Variants in CCDC102B observed in about 807,000 individuals in gnomAD.
CCDC102B encodes coiled-coil domain-containing protein 102B.
Under a neutral mutation model 57.4 loss-of-function variants are expected in CCDC102B, and 75 were observed. The ratio of observed to expected loss-of-function variants is 1.31; its 90% confidence interval spans 1.08 to 1.58. CCDC102B has a LOEUF of 1.58. CCDC102B is among the 40% of genes most tolerant of loss of function. CCDC102B has a pLI of 0.00. For synonymous variants in CCDC102B, 206 were observed against 201.9 expected, an observed-to-expected ratio of 1.02 and a Z score of -0.17; for missense variants, 636 against 582.6, an observed-to-expected ratio of 1.09 and a Z score of -0.94.
At chr18:68,839,057 A>G (rs2037511612) in intron 3 of CCDC102B, 131 bp downstream of exon 3, 2 of 786,594 alleles carry the variant, frequency 2.5e-6, no homozygotes, top group Non-Finnish European at 4.2e-6. Context: ...GGATTTAAAG[A>G]AATTAGTTTG....
chr18:68,739,825 G>C (rs955862517), intron 2 of CCDC102B, among the ~76,000 whole-genome samples: 1 of 152,136 alleles, frequency 6.6e-6, no homozygotes, highest in Non-Finnish European at 1.5e-5. Flanking sequence ...GACACATCTG[G>C]AAATATGAGA....
At chr18:68,938,564 A>G (rs2049302493) in intron 6 of CCDC102B, among the ~76,000 whole-genome samples, 3 of 151,854 alleles carry the variant, frequency 2.0e-5, no homozygotes, top group Non-Finnish European at 4.4e-5. Flanking sequence ...TGGAATAATG[A>G]GAATTTACCA....
At chr18:69,056,823 A>C (rs76921911), downstream of CCDC102B, among the ~76,000 whole-genome samples, 65 of 152,124 alleles carry the variant, frequency 4.3e-4, 1 homozygote, top group East Asian at 0.012. Flanking sequence ...CAGTAGTGTT[A>C]AGTATAGCCA....
chr18:68,757,177 C>T (rs2034080048), intron 2 of CCDC102B, among the ~76,000 whole-genome samples: 1 of 151,992 alleles, frequency 6.6e-6, no homozygotes, highest in South Asian at 2.1e-4. Flanking sequence ...TCTCCTTATC[C>T]CTGACATTTT....
At position 68,845,943 on chromosome 18, in the gene CCDC102B, A is replaced by G. The variant is rs560193651; in HGVS notation, c.828-370A>G. Among the ~76,000 whole-genome samples the G allele has an allele frequency of 3.0e-4, 46 of 151,868 alleles. 2 individuals carry two copies. The South Asian group carries it at 9.3e-3, about 31-fold the overall frequency. On this transcript the variant is annotated intron_variant, in intron 3 of 7. Transcript: ENST00000360242. The stretch of plus-strand genomic sequence containing the variant: ...TTTTTTCATTCACATAATAGCCACA[A>G]TATGAAGATGGATAGAATTCCATGT...
intron 6 of CCDC102B, among the ~76,000 whole-genome samples, chr18:68,990,529 A>C (rs190106515): frequency 6.6e-6 from 1 of 152,314 alleles, no homozygotes; most frequent in East Asian, 1.9e-4. Flanking sequence ...TATCTTGTAT[A>C]TCATGTTATT....
At chr18:68,852,933 A>C (rs899203545) in intron 4 of CCDC102B, among the ~76,000 whole-genome samples, 2 of 152,234 alleles carry the variant, frequency 1.3e-5, no homozygotes, top group Non-Finnish European at 2.9e-5. Context: ...GGCCTCTAAC[A>C]GGACTATGAC....
intron 4 of CCDC102B, among the ~76,000 whole-genome samples, chr18:68,855,710 A>C (rs369172034): frequency 4.6e-5 from 7 of 152,202 alleles, no homozygotes; most frequent in African/African-American, 1.7e-4. Context: ...ATAAAAATGG[A>C]ATTTTGTGAC....
At chr18:68,768,000 T>C (rs780194824) in intron 2 of CCDC102B, among the ~76,000 whole-genome samples, 7 of 152,028 alleles carry the variant, frequency 4.6e-5, no homozygotes, top group Non-Finnish European at 7.4e-5. Context: ...TTTTTGGAGG[T>C]TGACATTTTT....
chr18:68,760,584 G>A (rs1160243965), intron 2 of CCDC102B, among the ~76,000 whole-genome samples: 1 of 152,074 alleles, frequency 6.6e-6, no homozygotes, highest in Non-Finnish European at 1.5e-5. Flanking sequence ...GGACTACACA[G>A]TAAGGTATAA....
chr18:68,832,417 G>A (rs922116643), intron 1 of CCDC102B, among the ~76,000 whole-genome samples: 8 of 152,162 alleles, frequency 5.3e-5, no homozygotes, highest in East Asian at 1.9e-4. Context: ...CAACATTCAG[G>A]ATGGCAGAAG....
intron 4 of CCDC102B, among the ~76,000 whole-genome samples, chr18:68,873,057 G>C (rs925406278): frequency 2.0e-5 from 3 of 152,108 alleles, no homozygotes. Flanking sequence ...AAATGAATTC[G>C]ATATTCTTTT....
At chr18:68,827,630 A>C (rs1457665935) in intron 1 of CCDC102B, among the ~76,000 whole-genome samples, 1 of 152,096 alleles carries the variant, frequency 6.6e-6, no homozygotes, top group Non-Finnish European at 1.5e-5. Context: ...AAAATGGCAG[A>C]TATAAGTTCT....
intron 2 of CCDC102B, chr18:68,755,024 G>C (rs577747165): frequency 6.6e-6 from 1 of 152,298 alleles, no homozygotes; most frequent in East Asian, 1.9e-4. Flanking sequence ...ATGGTATTCT[G>C]TTATAGCAAC....
At chr18:68,944,824 A>T (rs1434831298) in intron 6 of CCDC102B, among the ~76,000 whole-genome samples, 1 of 152,030 alleles carries the variant, frequency 6.6e-6, no homozygotes, top group Non-Finnish European at 1.5e-5. Flanking sequence ...TATGACTGTA[A>T]AGCCTGTAGT....
chr18:68,732,338 T>C (rs2032910800), intron 2 of CCDC102B, among the ~76,000 whole-genome samples: 1 of 151,374 alleles, frequency 6.6e-6, no homozygotes, highest in Non-Finnish European at 1.5e-5. Flanking sequence ...TTGAAGGCCT[T>C]CTTTTTTTTT....
intron 6 of CCDC102B, among the ~76,000 whole-genome samples, chr18:68,961,810 C>G (rs1381493843): frequency 6.6e-6 from 1 of 151,926 alleles, no homozygotes; most frequent in African/African-American, 2.4e-5. Context: ...ATAAGTTCTC[C>G]AAAAGGTTTA....
intron 2 of CCDC102B, 137 bp downstream of exon 2, chr18:68,837,506 G>A: frequency 1.3e-6 from 1 of 798,022 alleles, no homozygotes; most frequent in Non-Finnish European, 2.0e-6. Flanking sequence ...TAATCACAGT[G>A]GTTTAAGCAA....
intron 6 of CCDC102B, among the ~76,000 whole-genome samples, chr18:68,927,640 C>G (rs577001855): frequency 6.6e-6 from 1 of 152,050 alleles, no homozygotes; most frequent in South Asian, 2.1e-4. Context: ...CATAAGTTAA[C>G]TAGGCTTTTT....
Sources: gnomAD v4.1 joint callset for allele counts (sites outside exome capture counted in the v4.1 genomes callset) on GRCh38, gnomAD v4.1.1 for gene constraint, MANE v1.5 for transcripts, NCBI Gene and HGNC (gene_info 2026-07-23, HGNC 2026-07-21) for gene names.